TLR7: variants seen among roughly 807,000 people sequenced by gnomAD.
TLR7 encodes toll-like receptor 7.
TLR7 carries 12 observed loss-of-function variants against 38.3 expected under a neutral mutation model. The ratio of observed to expected loss-of-function variants is 0.31; its 90% CI spans 0.20 to 0.51. The LOEUF (loss-of-function observed/expected upper bound fraction) is 0.51. Ranked by LOEUF, TLR7 falls within the 20% of genes least tolerant of loss-of-function variation. The probability of loss-of-function intolerance (pLI) is 0.98; values close to 1 mark genes in which losing one functional copy is unlikely to be tolerated. For synonymous variants in TLR7, 285 were observed against 293.8 expected (o/e 0.97, Z 0.31); for missense variants, 504 against 743.4 (o/e 0.68, Z 3.74).
chrX:12,878,080 TAGAA>T (rs2042879321), intron 2 of TLR7, among the ~76,000 whole-genome samples: 1 of 112,005 alleles, frequency 8.9e-6, no homozygotes, highest in Non-Finnish European at 1.9e-5. Flanking sequence ...TCTCGAGAAG[TAGAA>T]TAGCAGAGTG....
Position 12,870,913 on chromosome X carries a change from C to CGTCAGG in TLR7, c.3+3333_3+3338dup, listed in dbSNP as rs768175017. On this transcript the variant is annotated intron_variant, in intron 2 of 2. Transcript: ENST00000380659. ...TAACTGGCCCTTTACAGAAAAAGTACGTCAGGCCGGGGCTTATAGAAAACA... is the reference window on the plus strand; with the variant it reads ...TAACTGGCCCTTTACAGAAAAAGTACGTCAGGGTCAGGCCGGGGCTTATAGAAAACA... Among the ~76,000 whole-genome samples the CGTCAGG allele has an allele frequency of 2.8e-4, 31 of 111,868 alleles. No homozygotes were observed. The East Asian group carries it at 4.5e-3, about 16-fold the overall frequency.
chrX:12,871,982 C>A (rs986056806), intron 2 of TLR7, among the ~76,000 whole-genome samples: 2 of 111,775 alleles, frequency 1.8e-5, no homozygotes, highest in African/African-American at 6.5e-5. Flanking sequence ...CAGGGGCATG[C>A]CTACCGATTC....
chrX:12,872,232 C>G (rs1005982566), intron 2 of TLR7, among the ~76,000 whole-genome samples: 1 of 111,914 alleles, frequency 8.9e-6, no homozygotes, highest in African/African-American at 3.3e-5. Flanking sequence ...GCAATGGCTT[C>G]AAACAACAAC....
In TLR7 at chrX:12,886,408, C is replaced by T. The variant is rs1269154162; in HGVS notation, c.900C>T (p.Asn300=). 18 of 1,210,197 alleles carry T rather than the reference C, an allele frequency of 1.5e-5. No homozygotes were observed. Among genetic ancestry groups the T allele is most frequent in the Non-Finnish European group, 2.0e-5 (18 of 895,114 alleles). Residue 300 remains asparagine (N), a synonymous_variant, in exon 3 of 3, where the codon AAC becomes AAT. Transcript: ENST00000380659. The part of the protein sequence containing the change: ...TELKVLRLHS[N]SLQHVPPRWF... ...TAAAAGTTTTACGTCTACACAGTAACTCTCTTCAGCATGTGCCCCCAAGAT... is the reference window on the plus strand; with the variant it reads ...TAAAAGTTTTACGTCTACACAGTAATTCTCTTCAGCATGTGCCCCCAAGAT...
chrX:12,887,140 G>A lies in TLR7; in HGVS notation c.1632G>A (p.Leu544=). ...NGSEFQPLAE[L]RYLDFSNNRL... ...GTGAATTCCAACCTTTAGCAGAGCTGAGATATTTGGACTTCTCCAACAACC... is the reference window on the plus strand; with the variant it reads ...GTGAATTCCAACCTTTAGCAGAGCTAAGATATTTGGACTTCTCCAACAACC... The change falls in exon 3 of 3, where the codon CTG becomes CTA. Residue 544 remains leucine, a synonymous_variant. Transcript: ENST00000380659. 1 of 1,211,651 alleles carries A rather than the reference G, an allele frequency of 8.3e-7. No homozygotes were observed. The highest frequency in any genetic ancestry group is 1.8e-5 in the South Asian group (1 of 56,984).
Position 12,885,890 on chromosome X carries a change from T to C in TLR7, c.382T>C (p.Tyr128His), listed in dbSNP as rs2042908900. 8.3e-7 allele frequency: 1 copy of C among 1,211,982 alleles called. No individual in the cohort carries two copies. The highest frequency in any genetic ancestry group is 1.8e-5 in the South Asian group (1 of 57,013). ...IKPRSFSGLT[Y>H]LKSLYLDGNQ... ...ACCCAGAAGCTTTAGTGGACTCACTTATTTAAAATCCCTTTACCTGGATGG... is the reference window on the plus strand; with the variant it reads ...ACCCAGAAGCTTTAGTGGACTCACTCATTTAAAATCCCTTTACCTGGATGG... The change falls in exon 3 of 3, where the codon TAT (tyrosine) becomes CAT (histidine). Residue 128 changes from tyrosine to histidine, a missense_variant. Transcript: ENST00000380659.
In TLR7 at chrX:12,887,127, C is replaced by G; in HGVS notation, c.1619C>G (p.Pro540Arg). The change falls in exon 3 of 3, where the codon CCT becomes CGT. Residue 540 changes from proline (P) to arginine (R), a missense_variant. Physicochemically the swap from Pro to Arg is moderately radical, Grantham distance 103 (BLOSUM62 -2). Transcript: ENST00000380659. ...ACTCTTAATGGCAGTGAATTCCAACCTTTAGCAGAGCTGAGATATTTGGAC... is the reference window on the plus strand; with the variant it reads ...ACTCTTAATGGCAGTGAATTCCAACGTTTAGCAGAGCTGAGATATTTGGAC... ...SQTLNGSEFQ[P>R]LAELRYLDFS... 1 of 1,211,370 alleles carries G rather than the reference C, an allele frequency of 8.3e-7. No homozygotes were observed. Among genetic ancestry groups the G allele is most frequent in the East Asian group, 3.0e-5 (1 of 33,843 alleles).
chrX:12,886,852 C>A lies in TLR7; in HGVS notation c.1344C>A (p.Ala448=). ...DSSEVGFCSN[A]RTSVESYEPQ... ...GTGAAGTTGGCTTCTGCTCAAATGC[C>A]AGAACTTCTGTAGAAAGTTATGAAC... The change falls in exon 3 of 3, where the codon GCC becomes GCA. Residue 448 remains alanine, a synonymous_variant. Coordinates refer to ENST00000380659, the MANE Select transcript of TLR7 (RefSeq NM_016562.4). The A allele has an allele frequency of 3.3e-6, 4 of 1,210,031 alleles. No homozygotes were observed. The South Asian group carries it at 5.3e-5, about 16-fold the overall frequency.
At chrX:12,867,988 A>T (rs1206541612) in intron 2 of TLR7, among the ~76,000 whole-genome samples, 6 of 112,752 alleles carry the variant, frequency 5.3e-5, no homozygotes, top group Admixed American at 9.4e-5. Flanking sequence ...GGGCAGGCTC[A>T]TAGCAATAAA....
intron 2 of TLR7, among the ~76,000 whole-genome samples, chrX:12,882,953 A>G (rs907662048): frequency 1.8e-5 from 2 of 110,564 alleles, no homozygotes; most frequent in Non-Finnish European, 3.8e-5. Context: ...GTACAACTCC[A>G]CTCTCTGCTT....
At chrX:12,883,424 G>T (rs2042899214) in intron 2 of TLR7, among the ~76,000 whole-genome samples, 1 of 111,778 alleles carries the variant, frequency 8.9e-6, no homozygotes, top group African/African-American at 3.3e-5. Context: ...GCTAGTAGAG[G>T]AATTCAATCA....
intron 2 of TLR7, among the ~76,000 whole-genome samples, chrX:12,873,703 G>C (rs1345011869): frequency 8.9e-6 from 1 of 111,876 alleles, no homozygotes; most frequent in Non-Finnish European, 1.9e-5. Flanking sequence ...GCTATTAAAG[G>C]TTTCTTGTGT....
chrX:12,877,303 G>T (rs2042875259), intron 2 of TLR7: 1 of 107,701 alleles, frequency 9.3e-6, no homozygotes, highest in African/African-American at 3.4e-5. Flanking sequence ...TGACCTCTGG[G>T]CTAAATCTGT....
intron 2 of TLR7, among the ~76,000 whole-genome samples, chrX:12,873,833 AGTAGTAGAT>A (rs1303144657): frequency 8.9e-6 from 1 of 112,025 alleles, no homozygotes; most frequent in African/African-American, 3.2e-5. Flanking sequence ...TTTGTAACTT[AGTAGTAGAT>A]CATGCATAGC....
rs2042920630 is a variant in TLR7, at chrX:12,888,870, T to TCTA, written c.*213_*215dup. 5.8e-6 allele frequency: 2 copies of TCTA among 343,216 alleles called. No homozygotes were observed. The highest frequency in any genetic ancestry group is 9.8e-6 in the Non-Finnish European group (2 of 203,141). The allele number at this position is 343,216 out of a possible 1,213,427, so 28.3% of individuals were successfully genotyped here. ...GTCTTCTTTCTTATCTCTCTGTGTC[T>TCTA]CTATTTGCACTTGAGTCTCTCACCT... On this transcript the variant is annotated 3_prime_UTR_variant, in exon 3 of 3. Coordinates refer to ENST00000380659, the MANE Select transcript of TLR7 (RefSeq NM_016562.4).
intron 2 of TLR7, among the ~76,000 whole-genome samples, chrX:12,868,859 G>A (rs2042842654): frequency 8.9e-6 from 1 of 111,783 alleles, no homozygotes; most frequent in Non-Finnish European, 1.9e-5. Flanking sequence ...TCATTTCCTA[G>A]AAACCCAGAT....
At chrX:12,871,908 T>A (rs1634322) in intron 2 of TLR7, among the ~76,000 whole-genome samples, 23,915 of 111,348 alleles carry the variant, frequency 0.21, 2,055 homozygotes, top group Middle Eastern at 0.32. Flanking sequence ...TTTGCCAAGA[T>A]TGCTGCTGAA....
At chrX:12,876,995 G>A (rs1445610360) in intron 2 of TLR7, among the ~76,000 whole-genome samples, 1 of 111,412 alleles carries the variant, frequency 9.0e-6, no homozygotes, top group Non-Finnish European at 1.9e-5. Flanking sequence ...AACAGACCTG[G>A]CTTGATGCCG....
chrX:12,873,010 C>T lies in TLR7; in HGVS notation c.3+5429C>T, dbSNP rs779809339. Among the ~76,000 whole-genome samples the T allele has an allele frequency of 2.7e-5, 3 of 111,135 alleles. No homozygotes were observed. The South Asian group carries it at 1.2e-3, about 43-fold the overall frequency. On this transcript the variant is annotated intron_variant, in intron 2 of 2. Transcript: ENST00000380659. ...GGAATGGTAGAGAAAGCCCAACATG[C>T]TCAGGGACACTCCCTCTCTGACTTC... is the stretch of plus-strand genomic sequence containing the variant.
Sources: allele counts gnomAD v4.1 joint callset (sites outside exome capture counted in the v4.1 genomes callset), GRCh38; gene constraint gnomAD v4.1.1; transcripts MANE v1.5; gene names NCBI Gene and HGNC (gene_info 2026-07-23, HGNC 2026-07-21).